Variants in DIXDC1 observed in about 807,000 individuals in gnomAD.
The protein encoded by DIXDC1 is DIX domain containing 1, also known as dixin.
DIXDC1 carries 64 observed loss-of-function variants against 103.1 expected under a neutral mutation model. That is an observed-to-expected ratio of 0.62 (90% CI 0.51 to 0.76). DIXDC1 has a LOEUF of 0.76. Ranked by LOEUF, DIXDC1 falls within the 30% of genes least tolerant of loss-of-function variation. DIXDC1 has a pLI of 0.00. For missense variants in DIXDC1, 759 were observed against 834.2 expected (o/e 0.91, Z 1.11); for synonymous variants, 266 against 298.5 (o/e 0.89, Z 1.12).
In DIXDC1 at chr11:111,977,544, T is replaced by C. The variant is rs1302726886; in HGVS notation, c.656+2561T>C. 5 of 1,455,830 alleles carry C rather than the reference T, an allele frequency of 3.4e-6. No individual in the cohort carries two copies. The Admixed American group carries it at 1.0e-4, about 30-fold the overall frequency. 90.2% of individuals were successfully genotyped at this position (1,455,830 alleles called of 1,614,324 possible). A position where few individuals can be genotyped will look rare whatever the true frequency, so the allele number is the denominator to read the frequency against. On this transcript the variant is annotated intron_variant, in intron 5 of 19. Transcript: ENST00000440460. The surrounding 1 kb of genome is among the most constrained non-coding windows in gnomAD (Gnocchi z 6.1). ...AGTCTGAGCGGCCGGGACTGCGCGCTTCAGAGCCTGGAGCATCCCAGTCGC... is the reference window on the plus strand; with the variant it reads ...AGTCTGAGCGGCCGGGACTGCGCGCCTCAGAGCCTGGAGCATCCCAGTCGC...
intron 1 of DIXDC1, among the ~76,000 whole-genome samples, chr11:111,940,624 G>A (rs1451460543): frequency 6.6e-6 from 1 of 152,164 alleles, no homozygotes; most frequent in Non-Finnish European, 1.5e-5. Flanking sequence ...TGGGTAATAT[G>A]CATTCATTTA....
rs1354998820 is a variant in DIXDC1, at chr11:111,998,852, T to C, written c.1756+2706T>C. Among the ~76,000 whole-genome samples, 1 of 152,178 alleles carries C rather than the reference T, an allele frequency of 6.6e-6. No individual in the cohort carries two copies. ...CCTGGCCTAGTACTATATTTTTAAA[T>C]GTAAACTAGATATCTCTCTCTGTAG... On this transcript the variant is annotated intron_variant, in intron 17 of 19. Coordinates refer to ENST00000440460, the MANE Select transcript of DIXDC1 (RefSeq NM_001037954.4). The surrounding 1 kb of genome is among the most constrained non-coding windows in gnomAD (Gnocchi z 4.1).
intron 19 of DIXDC1, among the ~76,000 whole-genome samples, chr11:112,018,396 C>G (rs981359368): frequency 6.6e-6 from 1 of 152,108 alleles, no homozygotes; most frequent in Non-Finnish European, 1.5e-5. Flanking sequence ...GAATACAGTT[C>G]TGGGTTATAT....
chr11:111,969,374 T>A (rs1199900885), intron 3 of DIXDC1, among the ~76,000 whole-genome samples: 1 of 152,196 alleles, frequency 6.6e-6, no homozygotes, highest in Non-Finnish European at 1.5e-5. Flanking sequence ...TTGGGTTTCA[T>A]GACAAAATAT....
At chr11:111,994,577 ATG>A (rs1285002954) in intron 14 of DIXDC1, among the ~76,000 whole-genome samples, 3 of 151,124 alleles carry the variant, frequency 2.0e-5, no homozygotes, top group African/African-American at 7.3e-5. Flanking sequence ...GTATGTATGT[ATG>A]TGTATATTAT....
At position 112,017,681 on chromosome 11, in the gene DIXDC1, T is replaced by TAA; in HGVS notation, c.1863-95_1863-94insAA. 1 of 997,008 alleles carries TAA rather than the reference T, an allele frequency of 1.0e-6. No homozygotes were observed. Among genetic ancestry groups the TAA allele is most frequent in the East Asian group, 2.8e-5 (1 of 36,056 alleles). 61.8% of individuals were successfully genotyped at this position (997,008 alleles called of 1,614,324 possible). A position where few individuals can be genotyped will look rare whatever the true frequency, so the allele number is the denominator to read the frequency against. The stretch of plus-strand genomic sequence containing the variant: ...GACCTAACAAGGGGCTATTTCTGCT[T>TAA]ATTGACTTTGGCAGGGGGCTGTGTT... On this transcript the variant is annotated intron_variant, in intron 18 of 19. Coordinates refer to ENST00000440460, the MANE Select transcript of DIXDC1 (RefSeq NM_001037954.4). This position sits in a 1 kb window ranked among gnomAD's most constrained non-coding sequence, Gnocchi z 4.0.
At chr11:111,975,675 T>C (rs1860073901) in intron 5 of DIXDC1, 1 of 985,734 alleles carries the variant, frequency 1.0e-6, no homozygotes, top group Non-Finnish European at 1.2e-6. Context: ...ATTTTGTTGC[T>C]GAATCATAAT....
At chr11:111,975,671 T>C (rs1860073707) in intron 5 of DIXDC1, 3 of 985,714 alleles carry the variant, frequency 3.0e-6, no homozygotes, top group South Asian at 4.7e-5. Flanking sequence ...CTTCATTTTG[T>C]TGCTGAATCA....
chr11:111,986,655 C>T (rs920012763), intron 8 of DIXDC1, among the ~76,000 whole-genome samples: 7 of 152,034 alleles, frequency 4.6e-5, no homozygotes, highest in South Asian at 2.1e-4. Context: ...TGAGCCACCA[C>T]GCCTGGCCCA....
intron 17 of DIXDC1, among the ~76,000 whole-genome samples, chr11:112,004,815 C>T (rs782186270): frequency 1.3e-5 from 2 of 152,190 alleles, no homozygotes; most frequent in African/African-American, 2.4e-5. Flanking sequence ...GTAACCTTAA[C>T]AAAAATCTCA....
intron 1 of DIXDC1, among the ~76,000 whole-genome samples, chr11:111,927,880 G>A (rs1023919845): frequency 7.3e-5 from 11 of 151,722 alleles, no homozygotes; most frequent in Non-Finnish European, 1.5e-4. Context: ...GCCAGGCATG[G>A]TGGCACGGGC....
At position 111,929,943 on chromosome 11, in the gene DIXDC1, G is replaced by C. The variant is rs1965960146; in HGVS notation, c.57+33G>C. The C allele has an allele frequency of 3.3e-6, 5 of 1,525,644 alleles. No individual in the cohort carries two copies. In the East Asian group the frequency reaches 1.2e-4, roughly 37 times the overall value. 94.5% of individuals were successfully genotyped at this position (1,525,644 alleles called of 1,614,324 possible). A position where few individuals can be genotyped will look rare whatever the true frequency, so the allele number is the denominator to read the frequency against. Reference sequence around the variant, plus strand: ...TTTGGTGTACTATTGTGAAAAGCGTGATGATGTTACTGGAATTTCAATACA... The same window carrying C: ...TTTGGTGTACTATTGTGAAAAGCGTCATGATGTTACTGGAATTTCAATACA... On this transcript the variant is annotated intron_variant, in intron 2 of 5. Transcript: ENST00000529225.
chr11:111,943,106 G>T (rs1555169021), intron 1 of DIXDC1, among the ~76,000 whole-genome samples: 1 of 152,056 alleles, frequency 6.6e-6, no homozygotes, highest in Admixed American at 6.5e-5. Flanking sequence ...TCAGAGTGTT[G>T]GACAATTTAT....
At chr11:111,943,560 C>T (rs1272540021) in intron 1 of DIXDC1, among the ~76,000 whole-genome samples, 18 of 131,926 alleles carry the variant, frequency 1.4e-4, no homozygotes, top group South Asian at 1.2e-3. Flanking sequence ...AGTGCAGTGG[C>T]GCAATCTTGG....
At chr11:111,974,461 T>A in intron 4 of DIXDC1, 1 of 588,422 alleles carries the variant, frequency 1.7e-6, no homozygotes, top group Non-Finnish European at 2.9e-6. Flanking sequence ...TTAGCAAAAG[T>A]AAAGGAATCT....
At chr11:111,928,678 G>T (rs920438001) in intron 1 of DIXDC1, among the ~76,000 whole-genome samples, 3 of 152,114 alleles carry the variant, frequency 2.0e-5, no homozygotes, top group Admixed American at 2.0e-4. Context: ...CAGGAGAATC[G>T]CTTGAACCCG....
intron 1 of DIXDC1, among the ~76,000 whole-genome samples, chr11:111,941,109 G>A (rs1966402517): frequency 6.6e-6 from 1 of 152,134 alleles, no homozygotes; most frequent in Non-Finnish European, 1.5e-5. Context: ...AGATGACAGA[G>A]ACCCATCTCT....
intron 14 of DIXDC1, 65 bp from the exon 15 acceptor site, chr11:111,994,954 A>T: frequency 6.9e-7 from 1 of 1,450,658 alleles, no homozygotes; most frequent in South Asian, 1.2e-5. Flanking sequence ...AAGAAGAAAA[A>T]TAAGATAGCA....
Position 111,982,443 on chromosome 11 carries a change from GA to G in DIXDC1, c.879del (p.Glu294LysfsTer8). The G allele has an allele frequency of 6.2e-7, 1 of 1,613,718 alleles. No homozygotes were observed. The highest frequency in any genetic ancestry group is 1.1e-5 in the South Asian group (1 of 91,000). On this transcript the variant is annotated frameshift_variant, in exon 7 of 20. Transcript: ENST00000440460. LOFTEE classifies it high-confidence loss of function. Reference protein sequence around the residue: ...EQLLEQQEYLEKEMEEAKKMI... With the variant: ...EQLLEQQEYLXKEMEEAKKMI... ...GCTGTTGGAACAACAAGAATATTTA[GA>G]AAAAGAAATGGAGGAAGCAAAGAAA...
Sources: gnomAD v4.1 joint callset for allele counts (sites outside exome capture counted in the v4.1 genomes callset) on GRCh38, gnomAD v4.1.1 for gene constraint, Gnocchi (gnomAD v3.1) non-coding constraint, MANE v1.5 for transcripts, NCBI Gene and HGNC (gene_info 2026-07-23, HGNC 2026-07-21) for gene names.